Variants in TMEM200A observed in about 807,000 individuals in gnomAD.
TMEM200A encodes the protein two transmembrane C.
TMEM200A carries 12 observed loss-of-function variants against 24.3 expected under a neutral mutation model. That is an observed-to-expected ratio of 0.49 (90% CI 0.32 to 0.80). The LOEUF (loss-of-function observed/expected upper bound fraction) is 0.80. TMEM200A is among the 30% of genes least tolerant of loss of function. TMEM200A has a pLI of 0.04. For missense variants in TMEM200A, 545 were observed against 614.4 expected, an observed-to-expected ratio of 0.89 and a Z score of 1.19; for synonymous variants, 224 against 224.4, an observed-to-expected ratio of 1.00 and a Z score of 0.02.
At chr6:130,420,492 G>A (rs1191572300) in intron 2 of TMEM200A, among the ~76,000 whole-genome samples, 1 of 152,136 alleles carries the variant, frequency 6.6e-6, no homozygotes, top group African/African-American at 2.4e-5. Flanking sequence ...ACCAGGAAGA[G>A]AGGAACATCT....
rs1778145913 is a variant in TMEM200A at position 130,366,367 on chromosome 6, C to CGGCCGAGA, written c.-238_-237insGGCCGAGA. 1.0e-6 allele frequency: 1 copy of CGGCCGAGA among 985,136 alleles called. No homozygotes were observed. Among genetic ancestry groups the CGGCCGAGA allele is most frequent in the African/African-American group, 1.7e-5 (1 of 57,156 alleles). The allele number at this position is 985,136 out of a possible 1,614,324, so 61.0% of individuals were successfully genotyped here. ...CCTGGGATGGGGAGGGAGACCGCGG[C>CGGCCGAGA]TGCCCGCGGCGGCCGAGATTCCCGC... is the stretch of plus-strand genomic sequence containing the variant. On this transcript the variant is annotated 5_prime_UTR_variant, in exon 1 of 3. In the 5' UTR this introduces an upstream ATG that the reference lacks. Transcript: ENST00000296978. This position sits in a 1 kb window ranked among gnomAD's most constrained non-coding sequence, Gnocchi z 4.4.
intron 2 of TMEM200A, among the ~76,000 whole-genome samples, chr6:130,430,068 T>C (rs1363834026): frequency 6.6e-6 from 1 of 152,150 alleles, no homozygotes; most frequent in Admixed American, 6.6e-5. Context: ...TTCTGGCTGC[T>C]ATAACAAAAA....
chr6:130,426,807 C>A (rs1219100946), intron 2 of TMEM200A, among the ~76,000 whole-genome samples: 1 of 152,178 alleles, frequency 6.6e-6, no homozygotes, highest in East Asian at 1.9e-4. Flanking sequence ...ATTTGCTTTA[C>A]AATGCACAGC....
chr6:130,404,657 T>TAGA (rs1779164668), intron 2 of TMEM200A, among the ~76,000 whole-genome samples: 2 of 152,190 alleles, frequency 1.3e-5, no homozygotes, highest in Admixed American at 1.3e-4. Flanking sequence ...TTCTGCTGTG[T>TAGA]AGAAGCTCTT....
At chr6:130,432,013 AC>A (rs769410070) in intron 2 of TMEM200A, among the ~76,000 whole-genome samples, 1 of 152,214 alleles carries the variant, frequency 6.6e-6, no homozygotes, top group Non-Finnish European at 1.5e-5. Context: ...ATATTGAGAA[AC>A]AATTCTCCCC....
intron 1 of TMEM200A, among the ~76,000 whole-genome samples, chr6:130,379,985 C>T (rs755839481): frequency 8.6e-5 from 13 of 152,006 alleles, no homozygotes; most frequent in South Asian, 2.1e-4. Flanking sequence ...ATGAAAGCTA[C>T]GTGATATTAG....
In TMEM200A at chr6:130,441,751, G is replaced by A; in HGVS notation, c.1329G>A (p.Leu443=). ...LENKEDPMDR[L]LVPQVAIKKD... ...ACAAAGAAGACCCGATGGATAGGTT[G>A]CTTGTGCCCCAAGTTGCCATCAAAA... The change falls in exon 3 of 3, where the codon TTG becomes TTA. Residue 443 remains leucine, a synonymous_variant. Transcript: ENST00000296978. 2 of 1,614,036 alleles carry A rather than the reference G, an allele frequency of 1.2e-6. No individual in the cohort carries two copies. Among genetic ancestry groups the A allele is most frequent in the Non-Finnish European group, 1.7e-6 (2 of 1,179,982 alleles).
intron 2 of TMEM200A, among the ~76,000 whole-genome samples, chr6:130,418,042 T>A (rs1779499066): frequency 6.6e-6 from 1 of 152,160 alleles, no homozygotes; most frequent in Non-Finnish European, 1.5e-5. Context: ...GTCCATCTCT[T>A]CCTCCTCCAG....
At chr6:130,369,771 GAAATTCCACAGAAGGC>G (rs1778273618) in intron 1 of TMEM200A, among the ~76,000 whole-genome samples, 1 of 152,198 alleles carries the variant, frequency 6.6e-6, no homozygotes, top group South Asian at 2.1e-4. Context: ...CACCAGAGGT[GAAATTCCACAGAAGGC>G]ATAGAAATCT....
At chr6:130,369,439 C>A (rs563249057) in intron 1 of TMEM200A, among the ~76,000 whole-genome samples, 9 of 152,098 alleles carry the variant, frequency 5.9e-5, no homozygotes, top group African/African-American at 2.2e-4. Flanking sequence ...TGAATTTCTG[C>A]GTAAGAATTT....
intron 1 of TMEM200A, among the ~76,000 whole-genome samples, chr6:130,383,935 A>G (rs1778657493): frequency 6.6e-6 from 1 of 152,190 alleles, no homozygotes; most frequent in Non-Finnish European, 1.5e-5. Flanking sequence ...CCTGGCCAAC[A>G]TGGTGAAACC....
At chr6:130,391,478 G>A (rs1778830304) in intron 2 of TMEM200A, among the ~76,000 whole-genome samples, 1 of 151,760 alleles carries the variant, frequency 6.6e-6, no homozygotes, top group Non-Finnish European at 1.5e-5. Context: ...TTAAGGACCA[G>A]GCAGAAATTA....
chr6:130,397,621 GTT>G (rs148659888), intron 2 of TMEM200A, among the ~76,000 whole-genome samples: 1 of 150,594 alleles, frequency 6.6e-6, no homozygotes, highest in Non-Finnish European at 1.5e-5. Context: ...TAAATTTGTG[GTT>G]TTTTTTGAAA....
chr6:130,367,065 A>G (rs1778185344), intron 1 of TMEM200A, among the ~76,000 whole-genome samples: 1 of 152,216 alleles, frequency 6.6e-6, no homozygotes, highest in Admixed American at 6.5e-5. Flanking sequence ...TCCAGCCAAC[A>G]CTTCACATTG....
chr6:130,421,709 C>G (rs1159277276), intron 2 of TMEM200A, among the ~76,000 whole-genome samples: 1 of 152,088 alleles, frequency 6.6e-6, no homozygotes, highest in African/African-American at 2.4e-5. Flanking sequence ...CTCCCTTCAC[C>G]CCTGGTCACC....
intron 2 of TMEM200A, among the ~76,000 whole-genome samples, chr6:130,413,888 T>C (rs1779388122): frequency 6.6e-6 from 1 of 152,184 alleles, no homozygotes. Context: ...GTTATGTGCT[T>C]AGAATATCAT....
chr6:130,397,676 T>C (rs1250814675), intron 2 of TMEM200A, among the ~76,000 whole-genome samples: 1 of 151,848 alleles, frequency 6.6e-6, no homozygotes, highest in Non-Finnish European at 1.5e-5. Flanking sequence ...AAATTTAGTA[T>C]GTGTGGTTTT....
At chr6:130,408,571 GGGT>G (rs1469910438) in intron 2 of TMEM200A, among the ~76,000 whole-genome samples, 1 of 152,118 alleles carries the variant, frequency 6.6e-6, no homozygotes, top group Non-Finnish European at 1.5e-5. Flanking sequence ...GAGACATGTG[GGGT>G]GGGCATGAGG....
intron 2 of TMEM200A, among the ~76,000 whole-genome samples, chr6:130,385,937 G>A (rs1350031798): frequency 6.6e-6 from 1 of 152,140 alleles, no homozygotes; most frequent in Non-Finnish European, 1.5e-5. Flanking sequence ...CCATGTTTCT[G>A]AAATAATGTT....
Sources: gnomAD v4.1 joint callset for allele counts (sites outside exome capture counted in the v4.1 genomes callset) on GRCh38, gnomAD v4.1.1 for gene constraint, Gnocchi (gnomAD v3.1) non-coding constraint, MANE v1.5 for transcripts, NCBI Gene and HGNC (gene_info 2026-07-23, HGNC 2026-07-21) for gene names.